Variants in ATP8B1 observed in about 807,000 individuals in gnomAD.
ATP8B1 encodes phospholipid-transporting ATPase IC.
Under a neutral mutation model 149.9 loss-of-function variants are expected in ATP8B1, and 80 were observed. That is an observed-to-expected ratio of 0.53 (90% CI 0.45 to 0.64). The LOEUF (loss-of-function observed/expected upper bound fraction) is 0.64. Ranked by LOEUF, ATP8B1 falls within the 30% of genes least tolerant of loss-of-function variation. The probability of loss-of-function intolerance (pLI) is 0.00; values close to 1 mark genes in which losing one functional copy is unlikely to be tolerated. For missense variants in ATP8B1, 1,247 were observed against 1,552.6 expected (o/e 0.80, Z 3.31); for synonymous variants, 536 against 562.8 (o/e 0.95, Z 0.67).
intron 1 of ATP8B1, among the ~76,000 whole-genome samples, chr18:57,752,742 G>T (rs1451344020): frequency 6.6e-6 from 1 of 152,162 alleles, no homozygotes; most frequent in Non-Finnish European, 1.5e-5. Flanking sequence ...GCTTGCAAAA[G>T]CTTTTCAGAT....
chr18:57,650,999 G>A (rs1261466849), intron 26 of ATP8B1, among the ~76,000 whole-genome samples: 1 of 152,142 alleles, frequency 6.6e-6, no homozygotes, highest in African/African-American at 2.4e-5. Flanking sequence ...GCAAAATTGG[G>A]AAGGTAAATT....
chr18:57,667,547 T>G, intron 19 of ATP8B1: 1 of 224,658 alleles, frequency 4.5e-6, no homozygotes. Flanking sequence ...TATAGCAATC[T>G]GTAGGAATCA....
rs35377845 is a variant in ATP8B1, at chr18:57,706,580, T to C, written c.189A>G (p.Thr63=). Residue 63 remains threonine (T), a synonymous_variant, in exon 3 of 28, where the codon ACA becomes ACG. Transcript: ENST00000648908. ...ENREPFRKEC[T]WQVKANDRKY... is the part of the protein sequence containing the mutation. ...TGCGATCGTTTGCTTTGACTTGCCA[T>C]GTACATTCTTTAAAAAAAAGGGAGA... 771 of 1,613,476 alleles carry C rather than the reference T, an allele frequency of 4.8e-4. 3 individuals carry two copies. In the African/African-American group the frequency reaches 7.1e-3, roughly 15 times the overall value.
chr18:57,789,815 T>C (rs1389170117), intron 1 of ATP8B1, among the ~76,000 whole-genome samples: 1 of 152,206 alleles, frequency 6.6e-6, no homozygotes, highest in Non-Finnish European at 1.5e-5. Flanking sequence ...TGGATTATTT[T>C]ACATAAATTA....
rs529151481 is a variant in ATP8B1, at chr18:57,690,670, A to G, written c.1220+1137T>C. Among the ~76,000 whole-genome samples the G allele has an allele frequency of 2.6e-5, 4 of 152,372 alleles. No homozygotes were observed. In the South Asian group the frequency reaches 8.3e-4, roughly 32 times the overall value. ...TAAAAGAACAACAGTAACTACATGTAATCAAATTAAAAATAAAGCAAATGC... is the reference window on the plus strand; with the variant it reads ...TAAAAGAACAACAGTAACTACATGTGATCAAATTAAAAATAAAGCAAATGC... On this transcript the variant is annotated intron_variant, in intron 12 of 27. Coordinates refer to ENST00000648908, the MANE Select transcript of ATP8B1 (RefSeq NM_001374385.1).
chr18:57,742,738 C>T (rs949162268), intron 1 of ATP8B1, among the ~76,000 whole-genome samples: 23 of 151,734 alleles, frequency 1.5e-4, no homozygotes, highest in African/African-American at 2.4e-4. Context: ...GCAGAAGGAT[C>T]GCTTGAGCCC....
intron 1 of ATP8B1, among the ~76,000 whole-genome samples, chr18:57,738,819 G>A (rs2079884067): frequency 6.6e-6 from 1 of 151,850 alleles, no homozygotes; most frequent in Non-Finnish European, 1.5e-5. Context: ...CCAAAGGCAT[G>A]CCATTCTCCT....
In ATP8B1 at chr18:57,732,325, ATATATGTGTGTATATATATG is replaced by A. The variant is rs1425672470; in HGVS notation, c.-25-513_-25-494del. Among the ~76,000 whole-genome samples the A allele has an allele frequency of 1.9e-3, 38 of 19,990 alleles. 2 individuals are homozygous for A. The highest frequency in any genetic ancestry group is 2.6e-3 in the Non-Finnish European group (28 of 10,864). The allele number at this position is 19,990 out of a possible 152,430, so 13.1% of individuals were successfully genotyped here. The stretch of plus-strand genomic sequence containing the variant: ...TGTATATATGTGTGTATATATGTGT[ATATATGTGTGTATATATATG>A]TATATATGTGTATATATATGTATAT... On this transcript the variant is annotated intron_variant, in intron 1 of 27. Transcript: ENST00000648908.
intron 13 of ATP8B1, among the ~76,000 whole-genome samples, chr18:57,685,933 A>G (rs903823611): frequency 4.7e-5 from 7 of 150,320 alleles, no homozygotes; most frequent in African/African-American, 7.4e-5. Context: ...TCTGTCTCAA[A>G]AAAACAAAAA....
chr18:57,763,656 G>A (rs1247650743), intron 1 of ATP8B1, among the ~76,000 whole-genome samples: 2 of 149,892 alleles, frequency 1.3e-5, no homozygotes. Context: ...ATTGAAGAAA[G>A]TTTGGAAAAC....
intron 1 of ATP8B1, among the ~76,000 whole-genome samples, chr18:57,745,444 G>A (rs1332376059): frequency 1.3e-5 from 2 of 151,824 alleles, no homozygotes; most frequent in Non-Finnish European, 2.9e-5. Context: ...AGTAATTTTT[G>A]TATTTATAGT....
intron 1 of ATP8B1, among the ~76,000 whole-genome samples, chr18:57,739,651 C>T (rs1308580728): frequency 6.6e-6 from 1 of 152,110 alleles, no homozygotes; most frequent in African/African-American, 2.4e-5. Context: ...TCACACCTAC[C>T]ACATGGTAAC....
intron 1 of ATP8B1, among the ~76,000 whole-genome samples, chr18:57,760,181 T>C (rs921452649): frequency 8.5e-5 from 13 of 152,282 alleles, no homozygotes; most frequent in African/African-American, 2.9e-4. Flanking sequence ...TCCTCCCACA[T>C]AGTGATTTTA....
At chr18:57,650,641 G>C (rs996995199) in intron 26 of ATP8B1, 144 bp from the exon 27 acceptor site, 33 of 950,116 alleles carry the variant, frequency 3.5e-5, no homozygotes, top group Admixed American at 6.3e-5. Flanking sequence ...TCAGGAGTTC[G>C]AGACCAGCCT....
rs1221955686 is a variant in ATP8B1 at position 57,648,730 on chromosome 18, G to C, written c.3532-18C>G. On this transcript the variant is annotated intron_variant, in intron 27 of 27. Transcript: ENST00000648908. The stretch of plus-strand genomic sequence containing the variant: ...TTCTGGATCTGCAAGGGGGAGAGAT[G>C]GGGAGGGATGAAAATAAGATCCACA... 4.5e-6 allele frequency: 7 copies of C among 1,548,158 alleles called. No homozygotes were observed. The South Asian group carries it at 7.1e-5, about 16-fold the overall frequency.
At chr18:57,793,482 C>T (rs2080482791) in intron 1 of ATP8B1, among the ~76,000 whole-genome samples, 1 of 152,070 alleles carries the variant, frequency 6.6e-6, no homozygotes, top group African/African-American at 2.4e-5. Context: ...GATCACACCA[C>T]TCCAAGGAGC....
chr18:57,764,137 T>A (rs2080183977), intron 1 of ATP8B1, among the ~76,000 whole-genome samples: 1 of 152,174 alleles, frequency 6.6e-6, no homozygotes, highest in African/African-American at 2.4e-5. Flanking sequence ...TTTGTCCCAA[T>A]CACCTTCCCC....
intron 2 of ATP8B1, among the ~76,000 whole-genome samples, chr18:57,727,871 T>C (rs1176616877): frequency 1.3e-5 from 2 of 152,126 alleles, no homozygotes; most frequent in Admixed American, 1.3e-4. Context: ...GAGAAGTGTG[T>C]TCATCAGGAA....
intron 1 of ATP8B1, among the ~76,000 whole-genome samples, chr18:57,765,673 G>GAAA (rs75577653): frequency 2.1e-5 from 2 of 96,870 alleles, no homozygotes; most frequent in African/African-American, 6.7e-5. Context: ...TGTCTCAAAA[G>GAAA]AAAAAAAAAA....
Sources: gnomAD v4.1 joint callset for allele counts (sites outside exome capture counted in the v4.1 genomes callset) on GRCh38, gnomAD v4.1.1 for gene constraint, MANE v1.5 for transcripts, NCBI Gene and HGNC (gene_info 2026-07-23, HGNC 2026-07-21) for gene names.